The following BCL2 variants were observed in gnomAD, a reference collection of about 807,000 sequenced individuals.
BCL2 encodes the protein BCL2 apoptosis regulator.
Under a neutral mutation model 14.2 loss-of-function variants are expected in BCL2, and 1 was observed. The ratio of observed to expected loss-of-function variants is 0.07; its 90% CI spans 0.02 to 0.33. BCL2 has a LOEUF of 0.33. BCL2 is among the 10% of genes least tolerant of loss of function. The pLI is 0.99. For synonymous variants in BCL2, 151 were observed against 137.2 expected (o/e 1.10, Z -0.70); for missense variants, 247 against 305.9 (o/e 0.81, Z 1.44).
At chr18:63,264,963 C>T (rs536265825) in intron 2 of BCL2, among the ~76,000 whole-genome samples, 83 of 484 alleles carry the variant, frequency 0.17, no homozygotes, top group Middle Eastern at 0.33. Context: ...GGACTCTCAC[C>T]GGTGACCCAT....
intron 2 of BCL2, among the ~76,000 whole-genome samples, chr18:63,280,771 T>C (rs1397221130): frequency 6.6e-6 from 1 of 152,170 alleles, no homozygotes; most frequent in East Asian, 1.9e-4. Flanking sequence ...GAAAACAGTA[T>C]GATGGTTCCT....
At chr18:63,177,706 CT>C (rs767730728) in intron 2 of BCL2, among the ~76,000 whole-genome samples, 1 of 152,168 alleles carries the variant, frequency 6.6e-6, no homozygotes, top group East Asian at 1.9e-4. Flanking sequence ...GACTTTTCCC[CT>C]GAAACGTTTT....
chr18:63,246,456 T>C (rs1156668352), intron 2 of BCL2, among the ~76,000 whole-genome samples: 3 of 152,160 alleles, frequency 2.0e-5, no homozygotes, highest in Admixed American at 2.0e-4. Flanking sequence ...GCGAAAGACA[T>C]GGCGGCAAAC....
chr18:63,306,019 G>A (rs1913119622), intron 2 of BCL2, among the ~76,000 whole-genome samples: 2 of 152,062 alleles, frequency 1.3e-5, no homozygotes, highest in African/African-American at 4.8e-5. Context: ...AGGCAGCAGT[G>A]AACCGATATG....
At chr18:63,303,508 T>C (rs952787108) in intron 2 of BCL2, among the ~76,000 whole-genome samples, 6 of 152,236 alleles carry the variant, frequency 3.9e-5, no homozygotes, top group Non-Finnish European at 8.8e-5. Context: ...AGTTGTTCTT[T>C]TGTAATATGT....
intron 2 of BCL2, among the ~76,000 whole-genome samples, chr18:63,286,079 T>C (rs1473668107): frequency 6.6e-6 from 1 of 152,242 alleles, no homozygotes; most frequent in Non-Finnish European, 1.5e-5. Context: ...TTTGGCCATA[T>C]GGCAGCTGTT....
chr18:63,207,790 T>A (rs1251893177), intron 2 of BCL2: 1 of 152,202 alleles, frequency 6.6e-6, no homozygotes, highest in African/African-American at 2.4e-5. Context: ...ATTTGGAAAC[T>A]TCAAATAAAA....
At chr18:63,227,480 G>A (rs1425563873) in intron 2 of BCL2, among the ~76,000 whole-genome samples, 2 of 152,306 alleles carry the variant, frequency 1.3e-5, no homozygotes, top group South Asian at 2.1e-4. Context: ...AAAGTGCTGG[G>A]ATTACAGGTG....
chr18:63,266,627 T>A (rs1442407156), intron 2 of BCL2, among the ~76,000 whole-genome samples: 1 of 149,522 alleles, frequency 6.7e-6, no homozygotes, highest in African/African-American at 2.5e-5. Flanking sequence ...TCTCTCTCTC[T>A]CTCTCTCTCT....
rs185928150 is a variant in BCL2 at position 63,274,434 on chromosome 18, G to A, written c.585+43648C>T. ...CGAGTAGTGGGGATTACAGGTGCCC[G>A]CTACCATGCCCGGGTAATTTTTGTA... On this transcript the variant is annotated intron_variant, in intron 2 of 2. Transcript: ENST00000333681. 5.1e-3 allele frequency among the ~76,000 whole-genome samples: 771 copies of A among 151,696 alleles called. 8 individuals carry two copies. Among genetic ancestry groups the A allele is most frequent in the Non-Finnish European group, 4.8e-3 (329 of 67,886 alleles).
chr18:63,307,391 A>T (rs1913177985), intron 2 of BCL2, among the ~76,000 whole-genome samples: 2 of 152,244 alleles, frequency 1.3e-5, no homozygotes, highest in African/African-American at 2.4e-5. Context: ...GTTCACATTA[A>T]CCAGACAAAG....
At chr18:63,199,898 G>A (rs979613056) in intron 2 of BCL2, among the ~76,000 whole-genome samples, 6 of 151,330 alleles carry the variant, frequency 4.0e-5, no homozygotes, top group South Asian at 2.1e-4. Context: ...ACGGTAGCAC[G>A]GACCAAAACC....
chr18:63,138,757 A>G (rs540196065), intron 2 of BCL2, among the ~76,000 whole-genome samples: 6 of 152,380 alleles, frequency 3.9e-5, no homozygotes, highest in Non-Finnish European at 5.9e-5. Flanking sequence ...TGCTGGAGAC[A>G]TGGCAGGAGA....
intron 2 of BCL2, among the ~76,000 whole-genome samples, chr18:63,163,203 C>T (rs769703604): frequency 2.6e-5 from 4 of 152,174 alleles, no homozygotes; most frequent in Non-Finnish European, 5.9e-5. Context: ...ACCTTCATCA[C>T]CCAAATCTTA....
chr18:63,303,426 T>G (rs1466257070), intron 2 of BCL2, among the ~76,000 whole-genome samples: 1 of 152,172 alleles, frequency 6.6e-6, no homozygotes, highest in Non-Finnish European at 1.5e-5. Flanking sequence ...GTAGGAAAGA[T>G]TTCACCTTCT....
intron 2 of BCL2, among the ~76,000 whole-genome samples, chr18:63,173,633 T>C (rs8097918): frequency 0.033 from 5,004 of 152,312 alleles, 86 homozygotes; most frequent in South Asian, 0.063. Flanking sequence ...CTCTCCACCC[T>C]GTACAAATGA....
intron 2 of BCL2, among the ~76,000 whole-genome samples, chr18:63,214,312 T>C (rs1224882450): frequency 6.6e-6 from 1 of 152,136 alleles, no homozygotes; most frequent in Non-Finnish European, 1.5e-5. Context: ...ACCATCTCTG[T>C]AGGGGAGGTG....
chr18:63,197,013 GTCT>G (rs1435352282), intron 2 of BCL2, among the ~76,000 whole-genome samples: 1 of 152,012 alleles, frequency 6.6e-6, no homozygotes, highest in Non-Finnish European at 1.5e-5. Flanking sequence ...CCAAAAAAAG[GTCT>G]TCTTCAAATC....
chr18:63,192,412 G>C (rs766961803), intron 2 of BCL2, among the ~76,000 whole-genome samples: 11 of 152,226 alleles, frequency 7.2e-5, no homozygotes, highest in Non-Finnish European at 1.5e-4. Flanking sequence ...TGCGAAGGCA[G>C]TGTAAGATTT....
Sources: gnomAD v4.1 joint callset for allele counts (sites outside exome capture counted in the v4.1 genomes callset) on GRCh38, gnomAD v4.1.1 for gene constraint, MANE v1.5 for transcripts, NCBI Gene and HGNC (gene_info 2026-07-23, HGNC 2026-07-21) for gene names.